Variants in RBFOX1 observed in about 807,000 individuals in gnomAD.
RBFOX1 encodes the protein RNA binding protein fox-1 homolog 1.
A neutral mutation model predicts 57.7 loss-of-function variants in RBFOX1; 8 were observed. That is an observed-to-expected ratio of 0.14 (90% CI 0.08 to 0.25). The LOEUF is 0.25. RBFOX1 is among the 10% of genes least tolerant of loss of function. The probability of loss-of-function intolerance (pLI) is 1.00; values close to 1 mark genes in which losing one functional copy is unlikely to be tolerated. For missense variants in RBFOX1, 611 were observed against 548.5 expected (o/e 1.11, Z -1.14); for synonymous variants, 326 against 222.4 (o/e 1.47, Z -4.15).
At chr16:6,960,418 C>G (rs191665827) in intron 3 of RBFOX1, among the ~76,000 whole-genome samples, 2 of 152,272 alleles carry the variant, frequency 1.3e-5, no homozygotes, top group East Asian at 3.9e-4. Context: ...CCCAGGCCTT[C>G]TCCCTGTACC....
intron 3 of RBFOX1, among the ~76,000 whole-genome samples, chr16:6,898,487 T>C (rs993998865): frequency 5.3e-5 from 8 of 152,146 alleles, no homozygotes; most frequent in African/African-American, 1.9e-4. Context: ...ATTCAGTCCA[T>C]AGTAAAGATT....
chr16:7,225,163 C>G (rs193136575), intron 4 of RBFOX1, among the ~76,000 whole-genome samples: 14 of 152,208 alleles, frequency 9.2e-5, no homozygotes, highest in Non-Finnish European at 1.0e-4. Flanking sequence ...CATGGTCACC[C>G]TAGGACAGGA....
At chr16:5,413,546 A>G (rs983590373) in intron 1 of RBFOX1, among the ~76,000 whole-genome samples, 26 of 152,232 alleles carry the variant, frequency 1.7e-4, no homozygotes, top group African/African-American at 5.8e-4. Context: ...TGTGGCCACC[A>G]TATCAGACAG....
chr16:5,260,285 AAGAG>A (rs909662299), intron 1 of RBFOX1, among the ~76,000 whole-genome samples: 3 of 152,184 alleles, frequency 2.0e-5, no homozygotes, highest in African/African-American at 4.8e-5. Flanking sequence ...AAAGTACAAA[AAGAG>A]AGAGAAATCA....
At chr16:5,540,446 A>C (rs751137896) in intron 2 of RBFOX1, among the ~76,000 whole-genome samples, 1 of 152,198 alleles carries the variant, frequency 6.6e-6, no homozygotes, top group African/African-American at 2.4e-5. Flanking sequence ...TGGCACACCA[A>C]TTAACTCTTA....
At chr16:5,681,083 A>G (rs1278252732) in intron 3 of RBFOX1, among the ~76,000 whole-genome samples, 1 of 151,686 alleles carries the variant, frequency 6.6e-6, no homozygotes, top group African/African-American at 2.4e-5. Context: ...ATATATATAT[A>G]TATATTTTGA....
chr16:6,467,058 G>A (rs1567341463), intron 2 of RBFOX1, among the ~76,000 whole-genome samples: 1 of 150,374 alleles, frequency 6.7e-6, no homozygotes, highest in East Asian at 1.9e-4. Context: ...TGTAACATAT[G>A]GGATTTTATT....
At chr16:6,797,943 G>C (rs2084466451) in intron 3 of RBFOX1, among the ~76,000 whole-genome samples, 1 of 152,096 alleles carries the variant, frequency 6.6e-6, no homozygotes, top group African/African-American at 2.4e-5. Flanking sequence ...CTTTGAAATG[G>C]AGATGATGAT....
chr16:6,909,380 A>C (rs2070953771), intron 3 of RBFOX1, among the ~76,000 whole-genome samples: 1 of 152,198 alleles, frequency 6.6e-6, no homozygotes, highest in African/African-American at 2.4e-5. Flanking sequence ...TAATCCTGGC[A>C]ACTCTTCCAT....
intron 4 of RBFOX1, among the ~76,000 whole-genome samples, chr16:7,468,363 T>A (rs1018011767): frequency 1.3e-5 from 2 of 152,156 alleles, no homozygotes; most frequent in African/African-American, 4.8e-5. Flanking sequence ...GTATCCCGAT[T>A]AGATTGTTGA....
chr16:7,289,934 G>A (rs182558085), intron 4 of RBFOX1, among the ~76,000 whole-genome samples: 6 of 152,218 alleles, frequency 3.9e-5, no homozygotes, highest in East Asian at 1.9e-4. Flanking sequence ...CATCCATTTC[G>A]TTATCAAGAA....
At chr16:6,859,119 A>ATATATATATGTATATATATATG (rs2058442192) in intron 3 of RBFOX1, among the ~76,000 whole-genome samples, 8 of 82,176 alleles carry the variant, frequency 9.7e-5, no homozygotes, top group African/African-American at 6.8e-4. Context: ...GTGTATATAT[A>ATATATATATGTATATATATATG]TATATATATA....
intron 2 of RBFOX1, among the ~76,000 whole-genome samples, chr16:6,552,614 A>G (rs1447402952): frequency 3.3e-5 from 5 of 152,216 alleles, no homozygotes; most frequent in Non-Finnish European, 4.4e-5. Context: ...TTGATTCATC[A>G]TTCTTTTACC....
chr16:6,975,581 G>A (rs1262900274), intron 3 of RBFOX1, among the ~76,000 whole-genome samples: 7 of 152,142 alleles, frequency 4.6e-5, no homozygotes, highest in Non-Finnish European at 1.0e-4. Context: ...GTGCCCATAT[G>A]TTGATAGCAC....
At chr16:6,980,814 A>G (rs572276211) in intron 3 of RBFOX1, among the ~76,000 whole-genome samples, 13 of 152,130 alleles carry the variant, frequency 8.5e-5, no homozygotes, top group Non-Finnish European at 1.6e-4. Context: ...AGGCCAAGGC[A>G]GGCGGATCAC....
intron 2 of RBFOX1, among the ~76,000 whole-genome samples, chr16:6,557,275 A>G (rs1450752385): frequency 6.6e-6 from 1 of 151,674 alleles, no homozygotes; most frequent in Non-Finnish European, 1.5e-5. Flanking sequence ...GACACCCATG[A>G]ATTAAGATTT....
chr16:6,380,002 C>G (rs955331447), intron 2 of RBFOX1, among the ~76,000 whole-genome samples: 2 of 152,096 alleles, frequency 1.3e-5, no homozygotes, highest in Non-Finnish European at 2.9e-5. Context: ...GGAAGGGACA[C>G]CTTCCCTGTT....
intron 1 of RBFOX1, among the ~76,000 whole-genome samples, chr16:5,458,248 C>G (rs975888711): frequency 2.0e-5 from 3 of 152,112 alleles, no homozygotes; most frequent in South Asian, 4.1e-4. Context: ...TTAGCACTGT[C>G]AGCCCAGCAT....
At chr16:5,941,136 C>T (rs868745707) in intron 4 of RBFOX1, among the ~76,000 whole-genome samples, 12 of 151,946 alleles carry the variant, frequency 7.9e-5, no homozygotes, top group Non-Finnish European at 1.6e-4. Flanking sequence ...TAACAAAAAG[C>T]GTTCAAATAA....
Sources: allele counts gnomAD v4.1 joint callset (sites outside exome capture counted in the v4.1 genomes callset), GRCh38; gene constraint gnomAD v4.1.1; transcripts MANE v1.5; gene names NCBI Gene and HGNC (gene_info 2026-07-23, HGNC 2026-07-21).